EXOC4: variants seen among roughly 807,000 people sequenced by gnomAD.
The protein encoded by EXOC4 is exocyst complex component 4.
A neutral mutation model predicts 107.2 loss-of-function variants in EXOC4; 71 were observed. The observed-to-expected ratio is 0.66, with a 90% confidence interval of 0.55 to 0.81. The LOEUF (loss-of-function observed/expected upper bound fraction) is 0.81. Among genes scored for constraint, EXOC4 ranks in the 30% least tolerant of loss-of-function variants. EXOC4 has a pLI of 0.00. For missense variants in EXOC4, 1,108 were observed against 1,189.6 expected (o/e 0.93, Z 1.01); for synonymous variants, 456 against 441.2 (o/e 1.03, Z -0.42).
At chr7:133,435,434 T>C (rs373397171) in intron 7 of EXOC4, among the ~76,000 whole-genome samples, 3 of 152,202 alleles carry the variant, frequency 2.0e-5, no homozygotes, top group Admixed American at 6.5e-5. Flanking sequence ...TATTGTGGTA[T>C]AAGCTGCAAA....
intron 7 of EXOC4, among the ~76,000 whole-genome samples, chr7:133,399,099 T>C (rs922840330): frequency 6.6e-6 from 1 of 152,214 alleles, no homozygotes; most frequent in African/African-American, 2.4e-5. Flanking sequence ...TTTATAGTTA[T>C]TATTTTTATT....
intron 9 of EXOC4, among the ~76,000 whole-genome samples, chr7:133,520,116 A>G (rs1799953006): frequency 6.6e-6 from 1 of 152,196 alleles, no homozygotes; most frequent in African/African-American, 2.4e-5. Context: ...CAAAAATGTA[A>G]AACTTTTAAT....
intron 16 of EXOC4, among the ~76,000 whole-genome samples, chr7:134,006,201 T>C (rs1794638919): frequency 1.3e-5 from 2 of 151,636 alleles, no homozygotes; most frequent in East Asian, 1.9e-4. Context: ...ATTTAATATA[T>C]TTATTATAAT....
chr7:133,619,396 C>T (rs985170512), intron 9 of EXOC4, among the ~76,000 whole-genome samples: 1 of 152,194 alleles, frequency 6.6e-6, no homozygotes, highest in African/African-American at 2.4e-5. Flanking sequence ...AACACTATTT[C>T]TTCTATATGA....
chr7:133,447,500 G>C (rs1798246352), intron 7 of EXOC4: 1 of 151,940 alleles, frequency 6.6e-6, no homozygotes, highest in Non-Finnish European at 1.5e-5. Flanking sequence ...CTAGTACTTA[G>C]AGAGTTCACA....
At chr7:133,471,283 G>A (rs567051710) in intron 7 of EXOC4, among the ~76,000 whole-genome samples, 2 of 152,044 alleles carry the variant, frequency 1.3e-5, no homozygotes, top group African/African-American at 4.8e-5. Context: ...GTGGTGGCAG[G>A]TGCCTGTAAT....
chr7:133,866,882 G>GT (rs1370498369), intron 11 of EXOC4, among the ~76,000 whole-genome samples: 3 of 152,228 alleles, frequency 2.0e-5, no homozygotes, highest in African/African-American at 7.2e-5. Context: ...CTTTATAAGA[G>GT]TTGTGCAGCT....
At chr7:133,804,702 G>A (rs887169587) in intron 10 of EXOC4, among the ~76,000 whole-genome samples, 1 of 152,084 alleles carries the variant, frequency 6.6e-6, no homozygotes, top group African/African-American at 2.4e-5. Context: ...ATTCATACCT[G>A]AGTAATGTTC....
At chr7:133,664,319 A>G (rs375584632) in intron 10 of EXOC4, among the ~76,000 whole-genome samples, 2 of 152,154 alleles carry the variant, frequency 1.3e-5, no homozygotes. Flanking sequence ...CGTACCACTT[A>G]GAATGGTTCC....
chr7:133,681,789 T>A (rs533734670), intron 10 of EXOC4, among the ~76,000 whole-genome samples: 12 of 152,272 alleles, frequency 7.9e-5, no homozygotes, highest in African/African-American at 2.9e-4. Context: ...CACTATGAGA[T>A]AAGGAAGTGC....
intron 9 of EXOC4, among the ~76,000 whole-genome samples, chr7:133,512,376 C>T (rs1291364029): frequency 2.0e-5 from 3 of 151,970 alleles, no homozygotes; most frequent in African/African-American, 7.3e-5. Context: ...TTGCAGTGAG[C>T]CGAGATTGCG....
rs570150368 is a variant in EXOC4 at position 133,600,665 on chromosome 7, A to AAAAT, written c.1418-29360_1418-29357dup. On this transcript the variant is annotated intron_variant, in intron 9 of 17. Transcript: ENST00000253861. The stretch of plus-strand genomic sequence containing the variant: ...AATTCATAATTCAGAAAAGAAAAGC[A>AAAAT]AAATAAATAAATAAATAAATAAAGT... Among the ~76,000 whole-genome samples, 761 of 152,264 alleles carry AAAAT rather than the reference A, an allele frequency of 5.0e-3. 5 individuals are homozygous for AAAAT. The highest frequency in any genetic ancestry group is 0.017 in the African/African-American group (716 of 41,538).
At chr7:133,836,427 T>A (rs1411613776) in intron 11 of EXOC4, among the ~76,000 whole-genome samples, 1 of 152,210 alleles carries the variant, frequency 6.6e-6, no homozygotes, top group Admixed American at 6.5e-5. Flanking sequence ...CTATTTTTGT[T>A]CTACCTGTTA....
chr7:134,086,355 GGT>G, the EXOC4 span, among the ~76,000 whole-genome samples: 108 of 152,274 alleles, frequency 7.1e-4, 1 homozygote, highest in Middle Eastern at 3.4e-3. Context: ...TCATGTGACA[GGT>G]CTCAATCAGA....
At chr7:133,749,955 GTTTTTTTTTTTTTTTT>G (rs56902982) in intron 10 of EXOC4, among the ~76,000 whole-genome samples, 3 of 62,102 alleles carry the variant, frequency 4.8e-5, no homozygotes, top group Admixed American at 2.1e-4. Context: ...GTGGTTGGCA[GTTTTTTTTTTTTTTTT>G]TTTTTTTTTT....
At chr7:133,845,400 T>C (rs1401095425) in intron 11 of EXOC4, among the ~76,000 whole-genome samples, 1 of 147,418 alleles carries the variant, frequency 6.8e-6, no homozygotes, top group African/African-American at 2.5e-5. Context: ...ATATACATAT[T>C]ATACTATATT....
intron 7 of EXOC4, among the ~76,000 whole-genome samples, chr7:133,379,759 A>G (rs1210810218): frequency 6.6e-6 from 1 of 152,126 alleles, no homozygotes; most frequent in East Asian, 1.9e-4. Context: ...TAGTTATGAT[A>G]ATAAACAAAG....
At chr7:133,267,994 AT>A (rs1793774224) in intron 1 of EXOC4, among the ~76,000 whole-genome samples, 1 of 152,204 alleles carries the variant, frequency 6.6e-6, no homozygotes, top group Non-Finnish European at 1.5e-5. Flanking sequence ...GCTTTAGGGG[AT>A]TTGGGCTAAC....
At chr7:133,610,870 G>T (rs1802060602) in intron 9 of EXOC4, among the ~76,000 whole-genome samples, 1 of 150,312 alleles carries the variant, frequency 6.7e-6, no homozygotes, top group African/African-American at 2.5e-5. Flanking sequence ...GCCGTGCAGT[G>T]ACGTGATTAG....
Sources: allele counts gnomAD v4.1 joint callset (sites outside exome capture counted in the v4.1 genomes callset), GRCh38; gene constraint gnomAD v4.1.1; transcripts MANE v1.5; gene names NCBI Gene and HGNC (gene_info 2026-07-23, HGNC 2026-07-21).